Variants in MRE11 observed in about 807,000 individuals in gnomAD.
MRE11 encodes the protein MRE11 double strand break repair nuclease.
In MRE11, 62 loss-of-function variants were observed where a neutral mutation model predicts 91.7. That is an observed-to-expected ratio of 0.68 (90% CI 0.55 to 0.84). The LOEUF (loss-of-function observed/expected upper bound fraction) is 0.84. Among genes scored for constraint, MRE11 ranks in the 40% least tolerant of loss-of-function variants. The pLI is 0.00. For missense variants in MRE11, 796 were observed against 852.9 expected, an observed-to-expected ratio of 0.93 and a Z score of 0.83; for synonymous variants, 273 against 271.4, an observed-to-expected ratio of 1.01 and a Z score of -0.06.
intron 17 of MRE11, among the ~76,000 whole-genome samples, chr11:94,436,724 G>C (rs562702514): frequency 4.6e-5 from 7 of 152,154 alleles, no homozygotes; most frequent in Non-Finnish European, 7.3e-5. Flanking sequence ...GAAGGCCCAG[G>C]CTAAACCTAG....
rs967711346 is a variant in MRE11, at chr11:94,419,489, A to G, written c.*636T>C. 4.3e-6 allele frequency: 1 copy of G among 232,894 alleles called. No homozygotes were observed. Among genetic ancestry groups the G allele is most frequent in the Non-Finnish European group, 8.5e-6 (1 of 117,972 alleles). 14.4% of individuals were successfully genotyped at this position (232,894 alleles called of 1,614,324 possible). ...GGGAGAGAGAGAGAGAGAGAGAGAG[A>G]GAGAGAACACCATTAAGGATACAGA... is the stretch of plus-strand genomic sequence containing the variant. On this transcript the variant is annotated 3_prime_UTR_variant, in exon 20 of 20. Transcript: ENST00000323929.
At chr11:94,486,326 A>G (rs1947141775) in intron 3 of MRE11, among the ~76,000 whole-genome samples, 1 of 152,252 alleles carries the variant, frequency 6.6e-6, no homozygotes, top group Non-Finnish European at 1.5e-5. Flanking sequence ...GATTCAGGCC[A>G]CACAAGGTGA....
chr11:94,491,913 A>G lies in MRE11; in HGVS notation c.20+869T>C, dbSNP rs13447587. Among the ~76,000 whole-genome samples, 879 of 152,330 alleles carry G rather than the reference A, an allele frequency of 5.8e-3. 12 individuals are homozygous for G. Among genetic ancestry groups the G allele is most frequent in the African/African-American group, 0.02 (846 of 41,562 alleles). ...GTAGGTCAGATACTTTTCAAATCATAATACTACATGTTTCTGTAGCAATTT... is the reference window on the plus strand; with the variant it reads ...GTAGGTCAGATACTTTTCAAATCATGATACTACATGTTTCTGTAGCAATTT... On this transcript the variant is annotated intron_variant, in intron 2 of 19. Coordinates refer to ENST00000323929, the MANE Select transcript of MRE11 (RefSeq NM_005591.4).
intron 13 of MRE11, among the ~76,000 whole-genome samples, chr11:94,457,862 TTC>T (rs377327659): frequency 5.3e-4 from 61 of 114,484 alleles, no homozygotes; most frequent in Admixed American, 1.9e-3. Flanking sequence ...CTCTTTCTCT[TTC>T]TCTCTCTCCC....
In MRE11 at chr11:94,418,088, G is replaced by A. The variant is rs1945073789; in HGVS notation, c.*2037C>T. The A allele has an allele frequency of 4.3e-6, 1 of 232,724 alleles. No homozygotes were observed. Among genetic ancestry groups the A allele is most frequent in the South Asian group, 1.8e-4 (1 of 5,514 alleles). The allele number at this position is 232,724 out of a possible 1,614,324, so 14.4% of individuals were successfully genotyped here. On this transcript the variant is annotated 3_prime_UTR_variant, in exon 20 of 20. Transcript: ENST00000323929. The stretch of plus-strand genomic sequence containing the variant: ...GACTTCTACATTCCTATACCAACAG[G>A]TCTGAAAATTGTTAGAAACAAAAAA...
intron 14 of MRE11, among the ~76,000 whole-genome samples, chr11:94,447,920 C>G (rs1333719556): frequency 6.6e-6 from 1 of 152,024 alleles, no homozygotes; most frequent in East Asian, 1.9e-4. Flanking sequence ...TATTATCTGT[C>G]AGACCAATCT....
the MRE11 span, among the ~76,000 whole-genome samples, chr11:94,504,960 A>C: frequency 6.6e-6 from 1 of 152,142 alleles, no homozygotes; most frequent in Admixed American, 6.5e-5. Context: ...CAGTGATCTC[A>C]TAAGATTATA....
chr11:94,424,949 T>G (rs1945271569), intron 19 of MRE11, among the ~76,000 whole-genome samples: 1 of 152,110 alleles, frequency 6.6e-6, no homozygotes, highest in South Asian at 2.1e-4. Context: ...CCAGAAAAAT[T>G]TCTCCAATCG....
intron 14 of MRE11, among the ~76,000 whole-genome samples, chr11:94,447,665 C>CAAAAAAAAAAA: frequency 2.0e-5 from 1 of 48,978 alleles, no homozygotes; most frequent in Non-Finnish European, 4.2e-5. Context: ...CCCGTCTCTA[C>CAAAAAAAAAAA]AAAAAAAAAA....
intron 14 of MRE11, among the ~76,000 whole-genome samples, chr11:94,453,431 C>T (rs1028312789): frequency 2.0e-5 from 3 of 152,202 alleles, no homozygotes; most frequent in Non-Finnish European, 2.9e-5. Flanking sequence ...TTTTCATCCC[C>T]ACCACCAATG....
rs200213865 is a variant in MRE11, at chr11:94,476,384, C to G, written c.564G>C (p.Arg188Ser). The change falls in exon 7 of 20, where the codon AGG (arginine) becomes AGC (serine). Residue 188 changes from arginine to serine, a missense_variant. By Grantham distance (110) the Arg-to-Ser change is moderately radical. Transcript: ENST00000323929. The stretch of plus-strand genomic sequence containing the variant: ...TTTTATTGACAAACATTCGATAGAG[C>G]CTTTCATCTGGAATGGATCCTGAAA... ...LYGLGSIPDE[R>S]LYRMFVNKKV... The G allele has an allele frequency of 4.3e-6, 7 of 1,609,898 alleles. No homozygotes were observed. Among genetic ancestry groups the G allele is most frequent in the South Asian group, 3.3e-5 (3 of 90,986 alleles).
At position 94,418,957 on chromosome 11, in the gene MRE11, T is replaced by C. The variant is rs1037180890; in HGVS notation, c.*1168A>G. 1 of 231,212 alleles carries C rather than the reference T, an allele frequency of 4.3e-6. No homozygotes were observed. The highest frequency in any genetic ancestry group is 2.2e-5 in the African/African-American group (1 of 45,236). The allele number at this position is 231,212 out of a possible 1,614,324, so 14.3% of individuals were successfully genotyped here. Reference sequence around the variant, plus strand: ...TGGTCATGAGTATCACTGAGTCAAGTATTTGTTTCTACCTATGAAGAAATG... The same window carrying C: ...TGGTCATGAGTATCACTGAGTCAAGCATTTGTTTCTACCTATGAAGAAATG... On this transcript the variant is annotated 3_prime_UTR_variant, in exon 20 of 20. Coordinates refer to ENST00000323929, the MANE Select transcript of MRE11 (RefSeq NM_005591.4).
At chr11:94,488,840 T>C (rs1024047589) in intron 3 of MRE11, among the ~76,000 whole-genome samples, 7 of 151,972 alleles carry the variant, frequency 4.6e-5, no homozygotes, top group Non-Finnish European at 5.9e-5. Context: ...AATGAATGGG[T>C]ACTAGGATTA....
At chr11:94,492,394 T>C (rs1947308099) in intron 2 of MRE11, among the ~76,000 whole-genome samples, 1 of 152,198 alleles carries the variant, frequency 6.6e-6, no homozygotes. Context: ...TCCCATTCCA[T>C]TCAAATTCAT....
chr11:94,461,827 G>A (rs1036813810), intron 11 of MRE11, among the ~76,000 whole-genome samples: 1 of 152,178 alleles, frequency 6.6e-6, no homozygotes, highest in African/African-American at 2.4e-5. Context: ...TGTAATCCCA[G>A]CACTTTGAGA....
At chr11:94,475,343 T>C (rs1946823472) in intron 7 of MRE11, 1 of 274,308 alleles carries the variant, frequency 3.6e-6, no homozygotes. Flanking sequence ...ATATGTAGGT[T>C]ATATGCAAAT....
At chr11:94,423,095 A>G (rs150374551) in intron 19 of MRE11, among the ~76,000 whole-genome samples, 7 of 152,360 alleles carry the variant, frequency 4.6e-5, no homozygotes, top group African/African-American at 1.7e-4. Context: ...CACTGCCACT[A>G]ATAAAGACCA....
chr11:94,473,002 C>T (rs1286931764), intron 7 of MRE11: 1 of 152,062 alleles, frequency 6.6e-6, no homozygotes, highest in Non-Finnish European at 1.5e-5. Flanking sequence ...TCTACATACA[C>T]AGGGTAGTCA....
rs190577971 is a variant in MRE11, at chr11:94,481,047, A to G, written c.315-1286T>C. On this transcript the variant is annotated intron_variant, in intron 4 of 19. Coordinates refer to ENST00000323929, the MANE Select transcript of MRE11 (RefSeq NM_005591.4). Reference sequence around the variant, plus strand: ...GTTTAGGCCGGATGCGGTGGCTCACATCTGTAATCCCAGCACTTTGGGAGG... The same window carrying G: ...GTTTAGGCCGGATGCGGTGGCTCACGTCTGTAATCCCAGCACTTTGGGAGG... Among the ~76,000 whole-genome samples, 926 of 152,310 alleles carry G rather than the reference A, an allele frequency of 6.1e-3. 5 individuals are homozygous for G. Among genetic ancestry groups the G allele is most frequent in the African/African-American group, 0.02 (838 of 41,574 alleles).
Sources: gnomAD v4.1 joint callset for allele counts (sites outside exome capture counted in the v4.1 genomes callset) on GRCh38, gnomAD v4.1.1 for gene constraint, MANE v1.5 for transcripts, NCBI Gene and HGNC (gene_info 2026-07-23, HGNC 2026-07-21) for gene names.